The following SGCG variants were observed in gnomAD, a reference collection of about 807,000 sequenced individuals.
SGCG encodes gamma-sarcoglycan.
In SGCG, 26 loss-of-function variants were observed where a neutral mutation model predicts 29.3. The ratio of observed to expected loss-of-function variants is 0.89; its 90% confidence interval spans 0.65 to 1.23. The LOEUF (loss-of-function observed/expected upper bound fraction) is 1.23. Among genes scored for constraint, SGCG ranks in the 50% most tolerant of loss-of-function variants. The pLI is 0.00. For synonymous variants in SGCG, 145 were observed against 129.7 expected (o/e 1.12, Z -0.80); for missense variants, 353 against 356.0 (o/e 0.99, Z 0.07).
chr13:23,233,416 A>G (rs1879183627), intron 2 of SGCG, among the ~76,000 whole-genome samples: 1 of 152,224 alleles, frequency 6.6e-6, no homozygotes, highest in Non-Finnish European at 1.5e-5. Flanking sequence ...AGCCATATAC[A>G]TATATTTCAA....
upstream of SGCG, among the ~76,000 whole-genome samples, chr13:23,178,029 C>T (rs1420604140): frequency 1.3e-5 from 2 of 152,034 alleles, no homozygotes; most frequent in African/African-American, 2.4e-5. Flanking sequence ...TGAACAGGGC[C>T]CATCACTGAA....
In SGCG at chr13:23,299,306, C is replaced by A. The variant is rs141618202; in HGVS notation, c.578+3819C>A. Among the ~76,000 whole-genome samples the A allele has an allele frequency of 2.1e-3, 315 of 150,436 alleles. 7 individuals are homozygous for A. In the East Asian group the frequency reaches 0.055, roughly 26 times the overall value. The stretch of plus-strand genomic sequence containing the variant: ...ATGGTCATATCTTCTTCTTCTGCAA[C>A]TTCTTGCCATCAACTATGTTCCACT... On this transcript the variant is annotated intron_variant, in intron 6 of 7. Transcript: ENST00000218867.
At chr13:23,259,458 G>A (rs944860760) in intron 4 of SGCG, among the ~76,000 whole-genome samples, 6 of 151,512 alleles carry the variant, frequency 4.0e-5, no homozygotes, top group East Asian at 3.9e-4. Context: ...TGTTCCTAGC[G>A]GTCTATCAAT....
chr13:23,323,748 A>G (rs866356408), intron 7 of SGCG, among the ~76,000 whole-genome samples: 1 of 152,178 alleles, frequency 6.6e-6, no homozygotes, highest in Non-Finnish European at 1.5e-5. Flanking sequence ...TGCAGTTTCA[A>G]ATAATATATA....
chr13:23,169,724 AC>A, the SGCG span: 1 of 148,484 alleles, frequency 6.7e-6, no homozygotes, highest in African/African-American at 2.5e-5. Flanking sequence ...ACACACACAC[AC>A]ACACACACAC....
Position 23,200,540 on chromosome 13 carries a change from G to A in SGCG, c.1-3155G>A, listed in dbSNP as rs901496226. Among the ~76,000 whole-genome samples the A allele has an allele frequency of 3.3e-5, 5 of 152,144 alleles. No individual in the cohort carries two copies. The East Asian group carries it at 7.7e-4, about 23-fold the overall frequency. On this transcript the variant is annotated intron_variant, in intron 1 of 7. Transcript: ENST00000218867. ...CATGCTGGCTGCTGCTCTAGGGGCCGAGGGTAAAACAAAATAACAAAATAG... is the reference window on the plus strand; with the variant it reads ...CATGCTGGCTGCTGCTCTAGGGGCCAAGGGTAAAACAAAATAACAAAATAG...
chr13:23,199,845 G>T (rs1461632740), intron 1 of SGCG, among the ~76,000 whole-genome samples: 1 of 152,174 alleles, frequency 6.6e-6, no homozygotes, highest in Non-Finnish European at 1.5e-5. Context: ...TTCTTCCAGG[G>T]ATGTGGGGTC....
intron 3 of SGCG, chr13:23,245,500 A>T (rs2137560252): frequency 6.6e-6 from 1 of 152,286 alleles, no homozygotes; most frequent in Middle Eastern, 3.4e-3. Context: ...TACTACGGAG[A>T]AGGACGAGCC....
At chr13:23,310,722 C>G (rs1414124381) in intron 6 of SGCG, among the ~76,000 whole-genome samples, 1 of 151,642 alleles carries the variant, frequency 6.6e-6, no homozygotes, top group African/African-American at 2.4e-5. Flanking sequence ...AACTTTTCCT[C>G]CTCTCCACCC....
At chr13:23,296,661 A>T (rs1407254748) in intron 6 of SGCG, among the ~76,000 whole-genome samples, 2 of 152,170 alleles carry the variant, frequency 1.3e-5, no homozygotes. Context: ...GGTGCCTCTC[A>T]TATGAGCGAA....
intron 6 of SGCG, among the ~76,000 whole-genome samples, chr13:23,302,481 A>G (rs1004813122): frequency 6.6e-6 from 1 of 152,034 alleles, no homozygotes; most frequent in Non-Finnish European, 1.5e-5. Flanking sequence ...CCATTATTGT[A>G]TATTTTCAAA....
At chr13:23,222,243 T>C (rs1878698785) in intron 2 of SGCG, among the ~76,000 whole-genome samples, 1 of 152,210 alleles carries the variant, frequency 6.6e-6, no homozygotes, top group East Asian at 1.9e-4. Context: ...TCTTCCACTC[T>C]GTGGATTGTC....
At chr13:23,288,757 C>G (rs889040719) in intron 5 of SGCG, among the ~76,000 whole-genome samples, 1 of 152,170 alleles carries the variant, frequency 6.6e-6, no homozygotes, top group Non-Finnish European at 1.5e-5. Context: ...ACACCATTGC[C>G]AGAACTGACT....
chr13:23,293,262 C>T (rs1881784847), intron 5 of SGCG, among the ~76,000 whole-genome samples: 1 of 152,126 alleles, frequency 6.6e-6, no homozygotes, highest in Non-Finnish European at 1.5e-5. Context: ...AAACATTAAC[C>T]TTCACTTTTG....
At chr13:23,222,156 A>C (rs1437021587) in intron 2 of SGCG, among the ~76,000 whole-genome samples, 1 of 152,108 alleles carries the variant, frequency 6.6e-6, no homozygotes. Flanking sequence ...TCGATTGTCT[A>C]TCTGTTGTCT....
chr13:23,178,946 G>A (rs1876641913), upstream of SGCG, among the ~76,000 whole-genome samples: 1 of 152,176 alleles, frequency 6.6e-6, no homozygotes, highest in Non-Finnish European at 1.5e-5. Context: ...GAAGCAGAGG[G>A]AGAATGAGGG....
At chr13:23,293,830 T>TAA (rs10579291) in intron 5 of SGCG, among the ~76,000 whole-genome samples, 4 of 143,110 alleles carry the variant, frequency 2.8e-5, no homozygotes, top group African/African-American at 5.2e-5. Flanking sequence ...GATTCCGTCT[T>TAA]AAAAAAAAAA....
intron 1 of SGCG, among the ~76,000 whole-genome samples, chr13:23,200,335 C>G (rs1382603874): frequency 1.4e-5 from 2 of 142,682 alleles, no homozygotes; most frequent in African/African-American, 5.0e-5. Context: ...AGGCAGGAGA[C>G]TCACTTGAAA....
rs544297280 is a variant in SGCG at position 23,230,848 on chromosome 13, T to C, written c.196-3763T>C. Among the ~76,000 whole-genome samples the C allele has an allele frequency of 3.9e-5, 6 of 152,278 alleles. No homozygotes were observed. The South Asian group carries it at 1.2e-3, about 32-fold the overall frequency. On this transcript the variant is annotated intron_variant, in intron 2 of 7. Transcript: ENST00000218867. The stretch of plus-strand genomic sequence containing the variant: ...TGAATAGGAGTGGTAAGAGAGGGCC[T>C]CCTTCCTTGTCTTGTGCCAGTTTTC...
Sources: gnomAD v4.1 joint callset for allele counts (sites outside exome capture counted in the v4.1 genomes callset) on GRCh38, gnomAD v4.1.1 for gene constraint, MANE v1.5 for transcripts, NCBI Gene and HGNC (gene_info 2026-07-23, HGNC 2026-07-21) for gene names.